CLEC2A: variants seen among roughly 807,000 people sequenced by gnomAD.
The protein encoded by CLEC2A is keratinocyte-associated C-type lectin.
In CLEC2A, 19 loss-of-function variants were observed where a neutral mutation model predicts 18.6. The observed-to-expected ratio is 1.02, with a 90% CI of 0.71 to 1.50. The LOEUF (loss-of-function observed/expected upper bound fraction) is 1.50, where lower values mean the gene tolerates loss of function less well. Ranked by LOEUF, CLEC2A falls within the 40% of genes most tolerant of loss-of-function variation. The pLI, the probability that CLEC2A is intolerant of heterozygous loss-of-function variation, is 0.00. For synonymous variants in CLEC2A, 74 were observed against 64.0 expected (o/e 1.16, Z -0.75); for missense variants, 190 against 207.9 (o/e 0.91, Z 0.53).
exon 5 of CLEC2A, chr12:9,898,896 T>C (rs1202607993): frequency 2.8e-6 from 2 of 714,460 alleles, no homozygotes; most frequent in African/African-American, 3.5e-5. Flanking sequence ...CAGAGCTCCC[T>C]CAGAGGCCTA....
Position 9,921,958 on chromosome 12 carries a change from C to A in CLEC2A, c.306+108G>T, listed in dbSNP as rs867661533. 39 of 990,608 alleles carry A rather than the reference C, an allele frequency of 3.9e-5. No homozygotes were observed. The Middle Eastern group carries it at 3.8e-3, about 96-fold the overall frequency. The allele number at this position is 990,608 out of a possible 1,614,324, so 61.4% of individuals were successfully genotyped here. A position where few individuals can be genotyped will look rare whatever the true frequency, so the allele number is the denominator to read the frequency against. ...TATAAGTGAACCCACACAGTTCAAA[C>A]CCATGTTGTTCAAGGATCAATTGTA... On this transcript the variant is annotated intron_variant, in intron 3 of 4. Coordinates refer to ENST00000455827, the MANE Select transcript of CLEC2A (RefSeq NM_001130711.2).
intron 4 of CLEC2A, among the ~76,000 whole-genome samples, chr12:9,903,514 A>G (rs1408691895): frequency 7.2e-5 from 11 of 152,212 alleles, no homozygotes; most frequent in Non-Finnish European, 1.0e-4. Flanking sequence ...AGACATTGTG[A>G]TGCTTTTGTT....
chr12:9,889,371 A>G, the CLEC2A span, among the ~76,000 whole-genome samples: 8 of 152,140 alleles, frequency 5.3e-5, no homozygotes, highest in Non-Finnish European at 1.0e-4. Context: ...TATTTTTTAG[A>G]TGAAATTGGA....
At chr12:9,893,436 T>C in the CLEC2A span, 5 of 1,428,316 alleles carry the variant, frequency 3.5e-6, no homozygotes, top group Non-Finnish European at 4.8e-6. Flanking sequence ...CAGGAGTTCA[T>C]ACAGAACAGT....
downstream of CLEC2A, among the ~76,000 whole-genome samples, chr12:9,910,531 A>C (rs1028835156): frequency 3.9e-5 from 6 of 152,134 alleles, no homozygotes; most frequent in African/African-American, 1.4e-4. Context: ...TTCTCCTAGA[A>C]GCTTAGCTCC....
chr12:9,880,065 G>A, the CLEC2A span, among the ~76,000 whole-genome samples: 5 of 152,280 alleles, frequency 3.3e-5, no homozygotes, highest in East Asian at 1.9e-4. Context: ...TGTAAAATAC[G>A]GCAGCTGGAA....
chr12:9,879,148 T>C, the CLEC2A span, among the ~76,000 whole-genome samples: 1 of 148,714 alleles, frequency 6.7e-6, no homozygotes, highest in Non-Finnish European at 1.5e-5. Flanking sequence ...TTTTGGGAAA[T>C]GAAAAAAAAA....
chr12:9,931,210 G>A (rs1863370061), intron 1 of CLEC2A, among the ~76,000 whole-genome samples: 1 of 152,022 alleles, frequency 6.6e-6, no homozygotes, highest in African/African-American at 2.4e-5. Flanking sequence ...ACCCAGACAA[G>A]CCTGACTAAT....
the CLEC2A span, among the ~76,000 whole-genome samples, chr12:9,884,027 GC>G: frequency 6.6e-6 from 1 of 152,060 alleles, no homozygotes; most frequent in African/African-American, 2.4e-5. Flanking sequence ...CACTAGCCTG[GC>G]AAACTGACTA....
At chr12:9,882,789 CA>C in the CLEC2A span, among the ~76,000 whole-genome samples, 91,070 of 151,250 alleles carry the variant, frequency 0.6, 28,757 homozygotes, top group Non-Finnish European at 0.7. Flanking sequence ...TATAAAAAAA[CA>C]AAAAAAATTA....
chr12:9,914,464 T>C (rs910124996), intron 4 of CLEC2A, among the ~76,000 whole-genome samples: 1 of 152,084 alleles, frequency 6.6e-6, no homozygotes, highest in Non-Finnish European at 1.5e-5. Flanking sequence ...CTTCAAACCA[T>C]GCTACAAGGC....
chr12:9,926,390 G>T, intron 1 of CLEC2A, 47 bp from the exon 2 acceptor site: 14 of 1,154,818 alleles, frequency 1.2e-5, no homozygotes, highest in South Asian at 4.0e-5. Context: ...AATAAACACT[G>T]ACTCGATATT....
chr12:9,885,509 A>T, the CLEC2A span, among the ~76,000 whole-genome samples: 1 of 151,950 alleles, frequency 6.6e-6, no homozygotes, highest in East Asian at 1.9e-4. Context: ...AGCTCAAATG[A>T]GTAGTGTTTT....
chr12:9,883,916 A>G, the CLEC2A span, among the ~76,000 whole-genome samples: 1 of 152,226 alleles, frequency 6.6e-6, no homozygotes, highest in African/African-American at 2.4e-5. Flanking sequence ...TGTGAAATGT[A>G]CAACCAAGGT....
rs1863390492 is a variant in CLEC2A, at chr12:9,932,362, G to A, written c.-33C>T. ...CGCTAACCGATGGAGATCAGTAGGAGAGGACTAGAAAGCTTTTCATGTACA... is the reference window on the plus strand; with the variant it reads ...CGCTAACCGATGGAGATCAGTAGGAAAGGACTAGAAAGCTTTTCATGTACA... On this transcript the variant is annotated 5_prime_UTR_variant, in exon 1 of 5. Coordinates refer to ENST00000455827, the MANE Select transcript of CLEC2A (RefSeq NM_001130711.2). 6.4e-7 allele frequency: 1 copy of A among 1,550,958 alleles called. No homozygotes were observed. The highest frequency in any genetic ancestry group is 1.4e-5 in the African/African-American group (1 of 73,148).
chr12:9,929,179 A>G (rs1863330289), intron 1 of CLEC2A, among the ~76,000 whole-genome samples: 1 of 152,108 alleles, frequency 6.6e-6, no homozygotes. Context: ...ATTGGTATTT[A>G]TTTTTATATA....
At chr12:9,913,786 C>A in intron 4 of CLEC2A, 106 bp from the exon 5 acceptor site, 1 of 683,248 alleles carries the variant, frequency 1.5e-6, no homozygotes, top group South Asian at 2.3e-5. Flanking sequence ...ACACTGAGCT[C>A]CCAGAAAATA....
chr12:9,922,200 A>G lies in CLEC2A; in HGVS notation c.172T>C (p.Cys58Arg). 1 of 1,549,790 alleles carries G rather than the reference A, an allele frequency of 6.5e-7. No individual in the cohort carries two copies. Among genetic ancestry groups the G allele is most frequent in the Non-Finnish European group, 8.7e-7 (1 of 1,146,110 alleles). The stretch of plus-strand genomic sequence containing the variant: ...CTCACTCCAAGCCAGTCCCCTGAAC[A>G]TGCCACAGGTTTAGCATGCTTGGAC... ...TWSKHAKPVA[C>R]SGDWLGVRDK... is the part of the protein sequence containing the mutation. Residue 58 changes from cysteine (C) to arginine (R), a missense_variant, in exon 3 of 5, where the codon TGT (cysteine) becomes CGT (arginine). By Grantham distance (180) the Cys-to-Arg change is radical (BLOSUM62 -3). Coordinates refer to ENST00000455827, the MANE Select transcript of CLEC2A (RefSeq NM_001130711.2).
At chr12:9,907,172 C>G (rs111482351) in intron 4 of CLEC2A, among the ~76,000 whole-genome samples, 1 of 152,090 alleles carries the variant, frequency 6.6e-6, no homozygotes, top group Non-Finnish European at 1.5e-5. Flanking sequence ...CTGTGGCTTC[C>G]GTGTTCCTGG....
Sources: gnomAD v4.1 joint callset for allele counts (sites outside exome capture counted in the v4.1 genomes callset) on GRCh38, gnomAD v4.1.1 for gene constraint, MANE v1.5 for transcripts, NCBI Gene and HGNC (gene_info 2026-07-23, HGNC 2026-07-21) for gene names.